Variants in DLG2 observed in about 807,000 individuals in gnomAD.
DLG2 encodes discs large MAGUK scaffold protein 2.
Under a neutral mutation model 132.5 loss-of-function variants are expected in DLG2, and 45 were observed. The ratio of observed to expected loss-of-function variants is 0.34; its 90% CI spans 0.27 to 0.44. DLG2 has a LOEUF of 0.44. Ranked by LOEUF, DLG2 falls within the 20% of genes least tolerant of loss-of-function variation. The pLI, the probability that DLG2 is intolerant of heterozygous loss-of-function variation, is 1.00. For synonymous variants in DLG2, 424 were observed against 419.6 expected, an observed-to-expected ratio of 1.01 and a Z score of -0.13; for missense variants, 1,045 against 1,196.9, an observed-to-expected ratio of 0.87 and a Z score of 1.87.
chr11:84,756,475 A>C (rs1708318123), intron 6 of DLG2, among the ~76,000 whole-genome samples: 1 of 152,222 alleles, frequency 6.6e-6, no homozygotes, highest in African/African-American at 2.4e-5. Flanking sequence ...GTAAGCAAAC[A>C]GACCTGGGCT....
intron 8 of DLG2, among the ~76,000 whole-genome samples, chr11:84,193,644 A>G (rs758842834): frequency 1.3e-5 from 2 of 152,226 alleles, no homozygotes; most frequent in Non-Finnish European, 2.9e-5. Context: ...TTTACCTAAG[A>G]AACATCACAG....
At chr11:83,901,225 G>A (rs755850210) in intron 15 of DLG2, among the ~76,000 whole-genome samples, 1 of 152,152 alleles carries the variant, frequency 6.6e-6, no homozygotes, top group Non-Finnish European at 1.5e-5. Context: ...TCTTAGATGA[G>A]ACTTTAGACT....
At chr11:85,525,891 T>C (rs74364459) in intron 3 of DLG2, among the ~76,000 whole-genome samples, 5,492 of 152,188 alleles carry the variant, frequency 0.036, 150 homozygotes, top group Admixed American at 0.054. Context: ...GTACCGGAGA[T>C]CTACAGAGGA....
chr11:84,442,706 A>AAAAAGAAAG (rs138765903), intron 7 of DLG2, among the ~76,000 whole-genome samples: 12 of 148,876 alleles, frequency 8.1e-5, no homozygotes, highest in African/African-American at 2.8e-4. Flanking sequence ...TAATTAAAAA[A>AAAAAGAAAG]AAAGAAAGAA....
intron 19 of DLG2, among the ~76,000 whole-genome samples, chr11:83,587,085 A>T (rs1378407727): frequency 6.6e-6 from 1 of 152,226 alleles, no homozygotes; most frequent in Admixed American, 6.5e-5. Context: ...ACATGAAATG[A>T]TCTTTGTAAA....
chr11:83,634,996 T>C (rs138506028), intron 18 of DLG2, among the ~76,000 whole-genome samples: 21 of 152,314 alleles, frequency 1.4e-4, no homozygotes, highest in African/African-American at 5.1e-4. Flanking sequence ...ACAACATATT[T>C]AAGGTAAAAA....
At chr11:84,191,391 A>T (rs1241785469) in intron 8 of DLG2, among the ~76,000 whole-genome samples, 2 of 152,218 alleles carry the variant, frequency 1.3e-5, no homozygotes, top group African/African-American at 4.8e-5. Context: ...AAAGAAAAAT[A>T]ATTTGTATAT....
chr11:84,519,782 G>C (rs1367397711), intron 7 of DLG2, among the ~76,000 whole-genome samples: 7 of 152,138 alleles, frequency 4.6e-5, no homozygotes, highest in Non-Finnish European at 7.4e-5. Context: ...TAGTTTCTCA[G>C]AAATGAAAGA....
chr11:85,250,717 G>C (rs1406143146), intron 4 of DLG2, among the ~76,000 whole-genome samples: 1 of 152,122 alleles, frequency 6.6e-6, no homozygotes, highest in Non-Finnish European at 1.5e-5. Context: ...AATTCAATGT[G>C]AGAAGAGCAA....
At chr11:84,713,450 G>A (rs2060667034) in intron 6 of DLG2, among the ~76,000 whole-genome samples, 1 of 152,052 alleles carries the variant, frequency 6.6e-6, no homozygotes, top group African/African-American at 2.4e-5. Context: ...GAGAGAAACT[G>A]AAGTCTTGGC....
intron 21 of DLG2, among the ~76,000 whole-genome samples, chr11:83,503,400 T>G (rs374593779): frequency 1.0e-3 from 46 of 44,792 alleles, no homozygotes; most frequent in African/African-American, 2.7e-3. Context: ...TATATATATA[T>G]ATATATATAT....
At chr11:85,024,936 G>T (rs149603795) in intron 6 of DLG2, among the ~76,000 whole-genome samples, 2 of 152,150 alleles carry the variant, frequency 1.3e-5, no homozygotes, top group Admixed American at 1.3e-4. Flanking sequence ...AATAAGGAAA[G>T]TTAGAAAGTA....
chr11:85,004,630 C>T (rs1356630744), intron 6 of DLG2, among the ~76,000 whole-genome samples: 7 of 151,864 alleles, frequency 4.6e-5, no homozygotes, highest in African/African-American at 1.2e-4. Flanking sequence ...TTTGTCAGAT[C>T]GATAGATTGC....
intron 6 of DLG2, chr11:85,021,772 C>A (rs116635125): frequency 3.6e-6 from 2 of 549,814 alleles, no homozygotes; most frequent in Non-Finnish European, 6.7e-6. Context: ...CTGGGTTCTA[C>A]GTGGAGAACC....
At chr11:84,434,231 C>A (rs2098993780) in intron 7 of DLG2, among the ~76,000 whole-genome samples, 1 of 151,954 alleles carries the variant, frequency 6.6e-6, no homozygotes, top group Middle Eastern at 3.4e-3. Context: ...ACTGTTTATT[C>A]AATATAGTTT....
chr11:83,462,332 G>A (rs1251221679), intron 26 of DLG2, among the ~76,000 whole-genome samples: 5 of 152,112 alleles, frequency 3.3e-5, no homozygotes, highest in Non-Finnish European at 5.9e-5. Context: ...AGCCAAATAT[G>A]TCTCCTTATG....
intron 6 of DLG2, among the ~76,000 whole-genome samples, chr11:84,726,873 A>G (rs879436587): frequency 3.3e-5 from 5 of 152,114 alleles, no homozygotes. Context: ...AGCATTTTTC[A>G]TATGTCTGTT....
chr11:83,648,578 C>T (rs948940206), intron 18 of DLG2, among the ~76,000 whole-genome samples: 1 of 152,070 alleles, frequency 6.6e-6, no homozygotes, highest in Non-Finnish European at 1.5e-5. Context: ...TGTCAGCAAC[C>T]CTTGGCTGAA....
At chr11:85,397,749 C>A (rs2087557181) in intron 3 of DLG2, among the ~76,000 whole-genome samples, 2 of 151,986 alleles carry the variant, frequency 1.3e-5, no homozygotes, top group Admixed American at 6.6e-5. Flanking sequence ...ATATATGCGC[C>A]CAATACAGGA....
Sources: gnomAD v4.1 joint callset for allele counts (sites outside exome capture counted in the v4.1 genomes callset) on GRCh38, gnomAD v4.1.1 for gene constraint, MANE v1.5 for transcripts, NCBI Gene and HGNC (gene_info 2026-07-23, HGNC 2026-07-21) for gene names.